CA13: variants seen among roughly 807,000 people sequenced by gnomAD.
CA13 encodes CA-XIII.
A neutral mutation model predicts 31.5 loss-of-function variants in CA13; 21 were observed. The observed-to-expected ratio is 0.67, with a 90% CI of 0.47 to 0.96. The LOEUF is 0.96. CA13 is among the 40% of genes least tolerant of loss of function. The pLI is 0.00. For missense variants in CA13, 315 were observed against 318.9 expected, an observed-to-expected ratio of 0.99 and a Z score of 0.09; for synonymous variants, 117 against 111.4, an observed-to-expected ratio of 1.05 and a Z score of -0.32.
intron 6 of CA13, among the ~76,000 whole-genome samples, chr8:85,276,138 G>A (rs371945064): frequency 6.6e-6 from 1 of 152,116 alleles, no homozygotes; most frequent in Non-Finnish European, 1.5e-5. Flanking sequence ...GCGTGGGCTC[G>A]GTGGGTCCCG....
At chr8:85,277,661 A>G (rs1246918688) in intron 6 of CA13, among the ~76,000 whole-genome samples, 2 of 152,180 alleles carry the variant, frequency 1.3e-5, no homozygotes, top group Non-Finnish European at 2.9e-5. Context: ...GAGCGCGCCA[A>G]CAGCACACGA....
At position 85,249,228 on chromosome 8, in the gene CA13, G is replaced by T. The variant is rs555720695; in HGVS notation, c.38-1512G>T. ...AGATTTAGAGTTTGGGCCAGGCGTG[G>T]TGGCTCATGCCTGTAATCCCAACAC... is the stretch of plus-strand genomic sequence containing the variant. On this transcript the variant is annotated intron_variant, in intron 1 of 6. Transcript: ENST00000321764. Among the ~76,000 whole-genome samples, 316 of 152,308 alleles carry T rather than the reference G, an allele frequency of 2.1e-3. 1 individual carries two copies. Among genetic ancestry groups the T allele is most frequent in the African/African-American group, 7.2e-3 (299 of 41,550 alleles).
rs1236286992 is a variant in CA13, at chr8:85,250,968, G to A, written c.235+31G>A. ...CTTTTCTTTTTTTGTGTGTGTGGTG[G>A]TGGATGAAGGGTTTGAATGATTAGA... On this transcript the variant is annotated intron_variant, in intron 2 of 6. Coordinates refer to ENST00000321764, the MANE Select transcript of CA13 (RefSeq NM_198584.3). The A allele has an allele frequency of 2.6e-6, 4 of 1,529,550 alleles. No individual in the cohort carries two copies. In the South Asian group the frequency reaches 4.5e-5, roughly 17 times the overall value. 94.7% of individuals were successfully genotyped at this position (1,529,550 alleles called of 1,614,324 possible).
intron 1 of CA13, among the ~76,000 whole-genome samples, chr8:85,246,872 T>A (rs934879848): frequency 2.6e-5 from 4 of 152,212 alleles, no homozygotes; most frequent in African/African-American, 7.2e-5. Flanking sequence ...AAGAAAAAAA[T>A]TAAGGCTGTG....
At chr8:85,262,242 A>T (rs1807394603) in intron 3 of CA13, among the ~76,000 whole-genome samples, 1 of 150,786 alleles carries the variant, frequency 6.6e-6, no homozygotes, top group Non-Finnish European at 1.5e-5. Context: ...CCATGCTCCT[A>T]ATCTTTACAC....
chr8:85,280,536 G>A (rs982711102), intron 6 of CA13, among the ~76,000 whole-genome samples: 1 of 152,190 alleles, frequency 6.6e-6, no homozygotes, highest in African/African-American at 2.4e-5. Context: ...TTTAGAGAAT[G>A]TAGGTTCTCA....
intron 2 of CA13, among the ~76,000 whole-genome samples, chr8:85,253,470 G>T (rs1439185888): frequency 1.3e-5 from 2 of 149,822 alleles, no homozygotes; most frequent in African/African-American, 4.9e-5. Context: ...TTGCCATATT[G>T]CCCAGGCTGA....
In CA13 at chr8:85,266,663, A is replaced by G. The variant is rs201902194; in HGVS notation, c.410A>G (p.His137Arg). 1 of 1,612,608 alleles carries G rather than the reference A, an allele frequency of 6.2e-7. No individual in the cohort carries two copies. The highest frequency in any genetic ancestry group is 8.5e-7 in the Non-Finnish European group (1 of 1,178,624). Reference sequence around the variant, plus strand: ...TACCCCAGCTTTGTTGAGGCAGCTCATGAACCAGATGGACTGGCTGTCTTG... The same window carrying G: ...TACCCCAGCTTTGTTGAGGCAGCTCGTGAACCAGATGGACTGGCTGTCTTG... ...DKYPSFVEAA[H>R]EPDGLAVLGV... Residue 137 changes from histidine to arginine, a missense_variant, in exon 4 of 7, where the codon CAT becomes CGT. His to Arg is a conservative substitution (Grantham distance 29). Transcript: ENST00000321764.
intron 2 of CA13, among the ~76,000 whole-genome samples, chr8:85,253,188 G>T (rs560177196): frequency 6.6e-6 from 1 of 152,050 alleles, no homozygotes; most frequent in Admixed American, 6.5e-5. Context: ...CAGGTGATCC[G>T]CCCGCCTCGG....
chr8:85,276,122 G>C (rs542935714), intron 6 of CA13, among the ~76,000 whole-genome samples: 3 of 152,198 alleles, frequency 2.0e-5, no homozygotes, highest in Non-Finnish European at 4.4e-5. Flanking sequence ...CACGAGTTCC[G>C]GGTGGGCGTG....
At chr8:85,276,234 G>A (rs1323374677) in intron 6 of CA13, among the ~76,000 whole-genome samples, 3 of 152,142 alleles carry the variant, frequency 2.0e-5, no homozygotes, top group Admixed American at 1.3e-4. Context: ...TCAATTTCTC[G>A]CCCGGCCTTA....
rs189341423 is a variant in CA13 at position 85,273,621 on chromosome 8, C to T, written c.669+4994C>T. ...AAGAGAGCTGGCCAGAAGACACATA[C>T]CCCCTGAAGACCGAGAGGGAGGCCA... On this transcript the variant is annotated intron_variant, in intron 6 of 6. Transcript: ENST00000321764. 6.4e-4 allele frequency among the ~76,000 whole-genome samples: 97 copies of T among 151,924 alleles called. 2 individuals are homozygous for T. Among genetic ancestry groups the T allele is most frequent in the Admixed American group, 7.9e-4 (12 of 15,272 alleles).
At chr8:85,279,656 C>A (rs1304751870) in intron 6 of CA13, among the ~76,000 whole-genome samples, 1 of 152,138 alleles carries the variant, frequency 6.6e-6, no homozygotes, top group Non-Finnish European at 1.5e-5. Context: ...ATAAAGCCAA[C>A]GTCTTCAGAA....
In CA13 at chr8:85,259,492, G is replaced by T; in HGVS notation, c.307G>T (p.Asp103Tyr). 1 of 1,614,024 alleles carries T rather than the reference G, an allele frequency of 6.2e-7. No individual in the cohort carries two copies. The highest frequency in any genetic ancestry group is 1.1e-5 in the South Asian group (1 of 91,064). Residue 103 changes from aspartate (D) to tyrosine (Y), a missense_variant, in exon 3 of 7, where the codon GAC becomes TAC. Physicochemically the swap from Asp to Tyr is radical, Grantham distance 160 (BLOSUM62 -3). Transcript: ENST00000321764. ...TCACCTTCACTGGGGGTCCGCTGAT[G>T]ACCACGGCTCCGAGCACATAGTAGA... is the stretch of plus-strand genomic sequence containing the variant. ...QVHLHWGSAD[D>Y]HGSEHIVDGV...
chr8:85,269,095 G>A (rs1032282763), intron 6 of CA13, among the ~76,000 whole-genome samples: 1 of 152,178 alleles, frequency 6.6e-6, no homozygotes, highest in African/African-American at 2.4e-5. Flanking sequence ...GATTGGTGCA[G>A]TGCCCTAAGA....
At chr8:85,268,817 T>A (rs913346532) in intron 6 of CA13, among the ~76,000 whole-genome samples, 190 bp downstream of exon 6, 2 of 152,200 alleles carry the variant, frequency 1.3e-5, no homozygotes, top group Non-Finnish European at 2.9e-5. Context: ...GATGATTTAT[T>A]TGCCACTTCT....
At chr8:85,261,349 A>G (rs1807376271) in intron 3 of CA13, among the ~76,000 whole-genome samples, 1 of 152,058 alleles carries the variant, frequency 6.6e-6, no homozygotes, top group African/African-American at 2.4e-5. Context: ...TAAATATTAC[A>G]CAAATCAGAA....
At chr8:85,275,516 T>C (rs1038269632) in intron 6 of CA13, among the ~76,000 whole-genome samples, 1 of 152,116 alleles carries the variant, frequency 6.6e-6, no homozygotes, top group African/African-American at 2.4e-5. Context: ...ACAAACAGGT[T>C]TTTTCCTGCC....
intron 6 of CA13, among the ~76,000 whole-genome samples, chr8:85,276,274 G>A (rs953724113): frequency 3.3e-5 from 5 of 152,176 alleles, no homozygotes; most frequent in Admixed American, 6.5e-5. Context: ...GGCAGGGCTC[G>A]GGACCTGCAG....
Sources: gnomAD v4.1 joint callset for allele counts (sites outside exome capture counted in the v4.1 genomes callset) on GRCh38, gnomAD v4.1.1 for gene constraint, MANE v1.5 for transcripts, NCBI Gene and HGNC (gene_info 2026-07-23, HGNC 2026-07-21) for gene names.